PLS1: variants seen among roughly 807,000 people sequenced by gnomAD.
PLS1 encodes plastin-1.
A neutral mutation model predicts 73.7 loss-of-function variants in PLS1; 32 were observed. The observed-to-expected ratio is 0.43, with a 90% CI of 0.33 to 0.58. PLS1 has a LOEUF of 0.58. Among genes scored for constraint, PLS1 ranks in the 20% least tolerant of loss-of-function variants. PLS1 has a pLI of 0.04. For synonymous variants in PLS1, 217 were observed against 261.3 expected (o/e 0.83, Z 1.63); for missense variants, 633 against 740.5 (o/e 0.85, Z 1.68).
chr3:142,616,314 A>C (rs1405661158), intron 1 of PLS1, among the ~76,000 whole-genome samples: 1 of 152,206 alleles, frequency 6.6e-6, no homozygotes, highest in Non-Finnish European at 1.5e-5. Context: ...TACCTTTTCT[A>C]TAAAGGATAA....
chr3:142,694,689 C>G, intron 11 of PLS1, 142 bp downstream of exon 11: 1 of 529,432 alleles, frequency 1.9e-6, no homozygotes, highest in Non-Finnish European at 3.3e-6. Context: ...TGGGAATTGG[C>G]AATACAATGG....
chr3:142,690,027 A>G (rs533903996), intron 10 of PLS1, among the ~76,000 whole-genome samples: 1 of 152,312 alleles, frequency 6.6e-6, no homozygotes, highest in Admixed American at 6.5e-5. Context: ...ATAAGAGGTT[A>G]GTGAAAACTA....
intron 1 of PLS1, among the ~76,000 whole-genome samples, chr3:142,614,322 A>C (rs28647471): frequency 0.22 from 33,225 of 152,112 alleles, 4,555 homozygotes; most frequent in African/African-American, 0.39. Flanking sequence ...TTAACTACCA[A>C]GGATAGAAGG....
Position 142,689,627 on chromosome 3 carries a change from G to C in PLS1, c.991G>C (p.Asp331His). The C allele has an allele frequency of 6.4e-7, 1 of 1,559,426 alleles. No homozygotes were observed. Among genetic ancestry groups the C allele is most frequent in the Non-Finnish European group, 8.6e-7 (1 of 1,157,446 alleles). The change falls in exon 10 of 16, where the codon GAC becomes CAC. Residue 331 changes from aspartate (D) to histidine (H), a missense_variant. By Grantham distance (81) the Asp-to-His change is moderately conservative (BLOSUM62 -1). Transcript: ENST00000457734. ...TTGTTTTATTGTTTAGGAGACAAATGACCTGAAGCGTGCTGGACTCATGCT... is the reference window on the plus strand; with the variant it reads ...TTGTTTTATTGTTTAGGAGACAAATCACCTGAAGCGTGCTGGACTCATGCT... ...IDLSGINETN[D>H]LKRAGLMLQE...
chr3:142,613,596 G>T (rs2036161465), intron 1 of PLS1, among the ~76,000 whole-genome samples: 1 of 152,182 alleles, frequency 6.6e-6, no homozygotes, highest in Non-Finnish European at 1.5e-5. Flanking sequence ...TATTTACCTT[G>T]ATGCTGACTC....
chr3:142,598,642 G>A (rs763483528), intron 1 of PLS1, among the ~76,000 whole-genome samples: 11 of 152,218 alleles, frequency 7.2e-5, no homozygotes, highest in Non-Finnish European at 1.0e-4. Context: ...AAGACATGTT[G>A]AAAATGAATT....
intron 2 of PLS1, among the ~76,000 whole-genome samples, chr3:142,668,450 A>C (rs2037523373): frequency 6.6e-6 from 1 of 152,204 alleles, no homozygotes; most frequent in African/African-American, 2.4e-5. Flanking sequence ...CACCAAATGA[A>C]ACGTAGAACA....
chr3:142,671,851 T>C (rs2037610044), intron 4 of PLS1, among the ~76,000 whole-genome samples: 1 of 152,210 alleles, frequency 6.6e-6, no homozygotes, highest in Admixed American at 6.5e-5. Flanking sequence ...ATCTGTTAAT[T>C]ATCCTCTTGA....
At chr3:142,603,730 A>G (rs893170494) in intron 1 of PLS1, among the ~76,000 whole-genome samples, 15 of 151,476 alleles carry the variant, frequency 9.9e-5, no homozygotes, top group African/African-American at 3.6e-4. Flanking sequence ...AGATTGTGCC[A>G]CTGCACTTTA....
chr3:142,677,133 C>T (rs2037739801), intron 5 of PLS1, among the ~76,000 whole-genome samples: 1 of 152,016 alleles, frequency 6.6e-6, no homozygotes, highest in Non-Finnish European at 1.5e-5. Context: ...AGGTAAAATT[C>T]TAAAATATAG....
intron 4 of PLS1, among the ~76,000 whole-genome samples, chr3:142,672,061 A>C (rs1577870730): frequency 6.6e-6 from 1 of 152,128 alleles, no homozygotes; most frequent in Non-Finnish European, 1.5e-5. Context: ...GCTTCTTTTT[A>C]AAGACAAAAA....
chr3:142,693,600 C>T (rs2038131552), intron 10 of PLS1, among the ~76,000 whole-genome samples: 1 of 152,124 alleles, frequency 6.6e-6, no homozygotes. Flanking sequence ...ATGATAGTTA[C>T]TTAGAACTAT....
At chr3:142,607,636 G>A (rs921733697) in intron 1 of PLS1, among the ~76,000 whole-genome samples, 5 of 152,180 alleles carry the variant, frequency 3.3e-5, no homozygotes, top group African/African-American at 1.2e-4. Context: ...AACTGATCTT[G>A]TTATATTATT....
intron 1 of PLS1, among the ~76,000 whole-genome samples, chr3:142,631,179 C>A (rs2036551520): frequency 6.6e-6 from 1 of 151,522 alleles, no homozygotes; most frequent in Non-Finnish European, 1.5e-5. Context: ...TAGTTTGAGA[C>A]CAGCCTTAGC....
At chr3:142,644,307 G>A (rs1478943270) in intron 1 of PLS1, among the ~76,000 whole-genome samples, 1 of 152,012 alleles carries the variant, frequency 6.6e-6, no homozygotes, top group Non-Finnish European at 1.5e-5. Context: ...CTGGAGTGCA[G>A]TGATATGATC....
intron 5 of PLS1, among the ~76,000 whole-genome samples, chr3:142,677,744 C>G (rs1175758597): frequency 6.6e-6 from 1 of 151,918 alleles, no homozygotes; most frequent in Non-Finnish European, 1.5e-5. Flanking sequence ...GGGAATATTT[C>G]TTGGATTTTA....
chr3:142,674,760 G>A (rs2037684473), intron 4 of PLS1, among the ~76,000 whole-genome samples: 1 of 152,012 alleles, frequency 6.6e-6, no homozygotes. Flanking sequence ...CAAGAGTCTT[G>A]CTCTGTTGCC....
At chr3:142,678,890 C>T (rs1250609586) in intron 6 of PLS1, among the ~76,000 whole-genome samples, 3 of 152,008 alleles carry the variant, frequency 2.0e-5, no homozygotes, top group African/African-American at 4.8e-5. Flanking sequence ...GTCCCACCAA[C>T]AGTGTAAAAG....
intron 1 of PLS1, among the ~76,000 whole-genome samples, chr3:142,659,715 A>C (rs993278734): frequency 7.4e-6 from 1 of 135,924 alleles, no homozygotes; most frequent in African/African-American, 2.8e-5. Flanking sequence ...TTGTTTTTTG[A>C]GATGGAGTTT....
Sources: allele counts gnomAD v4.1 joint callset (sites outside exome capture counted in the v4.1 genomes callset), GRCh38; gene constraint gnomAD v4.1.1; transcripts MANE v1.5; gene names NCBI Gene and HGNC (gene_info 2026-07-23, HGNC 2026-07-21).